Variants in NR2C2 observed in about 807,000 individuals in gnomAD.
NR2C2 encodes the protein Nuclear hormone receptor TR4.
Under a neutral mutation model 62.9 loss-of-function variants are expected in NR2C2, and 6 were observed. That is an observed-to-expected ratio of 0.10 (90% CI 0.05 to 0.19). The LOEUF (loss-of-function observed/expected upper bound fraction) is 0.19, where lower values mean the gene tolerates loss of function less well. Among genes scored for constraint, NR2C2 ranks in the 10% least tolerant of loss-of-function variants. The pLI is 1.00. For missense variants in NR2C2, 479 were observed against 762.7 expected, an observed-to-expected ratio of 0.63 and a Z score of 4.38; for synonymous variants, 272 against 273.8, an observed-to-expected ratio of 0.99 and a Z score of 0.07.
intron 1 of NR2C2, among the ~76,000 whole-genome samples, chr3:14,993,843 T>TA (rs1183597567): frequency 6.6e-6 from 1 of 152,124 alleles, no homozygotes. Context: ...AGGGAATAAA[T>TA]AAAATTTGCA....
intron 2 of NR2C2, among the ~76,000 whole-genome samples, chr3:15,004,782 C>G (rs1441538651): frequency 6.6e-6 from 1 of 152,136 alleles, no homozygotes; most frequent in Non-Finnish European, 1.5e-5. Flanking sequence ...CTTTGATGCT[C>G]TGTTGTTAGT....
At chr3:15,029,229 G>A (rs181142818) in intron 8 of NR2C2, among the ~76,000 whole-genome samples, 6 of 151,786 alleles carry the variant, frequency 4.0e-5, no homozygotes, top group Non-Finnish European at 7.4e-5. Context: ...ACAGGCGTGC[G>A]CCACCACCCC....
intron 1 of NR2C2, chr3:14,948,108 G>C (rs1350891648): frequency 5.3e-5 from 8 of 152,118 alleles, no homozygotes; most frequent in African/African-American, 1.2e-4. Flanking sequence ...CGAAGCGAGC[G>C]GGTTCCCCCT....
intron 1 of NR2C2, among the ~76,000 whole-genome samples, chr3:14,977,242 A>G (rs1286694962): frequency 6.6e-6 from 1 of 152,152 alleles, no homozygotes; most frequent in Non-Finnish European, 1.5e-5. Flanking sequence ...GTGCTTGAGT[A>G]TGTTACTTAA....
At chr3:14,972,879 A>T (rs1020583277) in intron 1 of NR2C2, among the ~76,000 whole-genome samples, 1 of 152,196 alleles carries the variant, frequency 6.6e-6, no homozygotes, top group African/African-American at 2.4e-5. Flanking sequence ...TCTCATGGTA[A>T]CTCACTCACT....
chr3:14,973,982 G>A (rs914562800), intron 1 of NR2C2, among the ~76,000 whole-genome samples: 3 of 152,126 alleles, frequency 2.0e-5, no homozygotes, highest in Non-Finnish European at 2.9e-5. Flanking sequence ...GTCAGAGACC[G>A]TCTCTGTATA....
At chr3:14,958,687 T>A (rs6767905) in intron 1 of NR2C2, among the ~76,000 whole-genome samples, 10,939 of 152,300 alleles carry the variant, frequency 0.072, 432 homozygotes, top group Middle Eastern at 0.099. Flanking sequence ...GTTGTTGTTG[T>A]TCCAGATTGG....
intron 4 of NR2C2, 135 bp from the exon 5 acceptor site, chr3:15,020,618 A>G (rs1410856927): frequency 4.7e-6 from 4 of 857,892 alleles, no homozygotes; most frequent in African/African-American, 3.4e-5. Flanking sequence ...TGCTCAGGCC[A>G]CGTGGCTGTT....
intron 2 of NR2C2, among the ~76,000 whole-genome samples, chr3:15,005,368 CT>C (rs761731325): frequency 0.12 from 9,894 of 83,194 alleles, 452 homozygotes; most frequent in African/African-American, 0.22. Flanking sequence ...ACGCATAATG[CT>C]TTTTTTTTTT....
At chr3:14,972,466 A>G (rs961593687) in intron 1 of NR2C2, among the ~76,000 whole-genome samples, 2 of 152,200 alleles carry the variant, frequency 1.3e-5, no homozygotes, top group African/African-American at 4.8e-5. Context: ...GAGCCAGTAC[A>G]CCAGGCTGAG....
In NR2C2 at chr3:15,047,096, AGT is replaced by A. The variant is rs1171221983; in HGVS notation, c.*4095_*4096del. On this transcript the variant is annotated 3_prime_UTR_variant, in exon 14 of 14. Transcript: ENST00000425241. ...TCCTCTCCATATGTACAGTGTATAT[AGT>A]GTGTGTATGTGTACATAGATGTATA... The A allele has an allele frequency of 6.6e-6, 1 of 152,656 alleles. No homozygotes were observed. The highest frequency in any genetic ancestry group is 1.5e-5 in the Non-Finnish European group (1 of 68,046). 9.5% of individuals were successfully genotyped at this position (152,656 alleles called of 1,614,324 possible). A position where few individuals can be genotyped will look rare whatever the true frequency, so the allele number is the denominator to read the frequency against.
At chr3:14,969,298 T>G (rs1276291428) in intron 1 of NR2C2, among the ~76,000 whole-genome samples, 1 of 145,758 alleles carries the variant, frequency 6.9e-6, no homozygotes, top group Non-Finnish European at 1.5e-5. Context: ...CAGGCTGGAG[T>G]GCAGTGGTGT....
intron 2 of NR2C2, among the ~76,000 whole-genome samples, chr3:15,012,325 A>G (rs868504820): frequency 2.6e-5 from 4 of 151,836 alleles, no homozygotes; most frequent in Non-Finnish European, 5.9e-5. Flanking sequence ...CTCTGAGTTC[A>G]AGCGATTCTC....
chr3:14,965,581 C>T (rs535822311), intron 1 of NR2C2, among the ~76,000 whole-genome samples: 7 of 142,640 alleles, frequency 4.9e-5, no homozygotes, highest in African/African-American at 1.5e-4. Flanking sequence ...GAAAGTCAGT[C>T]TCAATTTTGA....
At chr3:14,962,506 G>C (rs2039714615) in intron 1 of NR2C2, 1 of 152,568 alleles carries the variant, frequency 6.6e-6, no homozygotes, top group Admixed American at 6.6e-5. Context: ...AGTGACAGGG[G>C]CTAGCACAGT....
chr3:14,994,945 A>C (rs77563275), intron 1 of NR2C2, among the ~76,000 whole-genome samples: 3 of 145,560 alleles, frequency 2.1e-5, no homozygotes, highest in African/African-American at 7.7e-5. Flanking sequence ...TCACAGCTCT[A>C]TTAAGATATA....
chr3:15,001,964 A>C (rs920485834), intron 1 of NR2C2, among the ~76,000 whole-genome samples: 3 of 152,150 alleles, frequency 2.0e-5, no homozygotes, highest in Non-Finnish European at 4.4e-5. Flanking sequence ...AAACTCGTCT[A>C]CTTGCTCTGA....
intron 1 of NR2C2, 34 bp from the exon 2 acceptor site, chr3:15,003,842 C>A: frequency 7.0e-7 from 1 of 1,427,754 alleles, no homozygotes; most frequent in Non-Finnish European, 9.9e-7. Context: ...TCATTCTGAA[C>A]CCCCTTGTGA....
At chr3:14,957,925 C>T (rs370199330) in intron 1 of NR2C2, among the ~76,000 whole-genome samples, 1 of 12,902 alleles carries the variant, frequency 7.8e-5, no homozygotes, top group Admixed American at 9.2e-4. Flanking sequence ...TTCCACACCA[C>T]ATTGCCATTC....
Sources: gnomAD v4.1 joint callset for allele counts (sites outside exome capture counted in the v4.1 genomes callset) on GRCh38, gnomAD v4.1.1 for gene constraint, MANE v1.5 for transcripts, NCBI Gene and HGNC (gene_info 2026-07-23, HGNC 2026-07-21) for gene names.